The following DOP1A variants were observed in gnomAD, a reference collection of about 807,000 sequenced individuals.
DOP1A encodes the protein protein DOP1A.
In DOP1A, 90 loss-of-function variants were observed where a neutral mutation model predicts 267.6. That is an observed-to-expected ratio of 0.34 (90% CI 0.28 to 0.40). The LOEUF is 0.40. DOP1A is among the 10% of genes least tolerant of loss of function. DOP1A has a pLI of 1.00. For missense variants in DOP1A, 2,437 were observed against 2,900.4 expected, an observed-to-expected ratio of 0.84 and a Z score of 3.67; for synonymous variants, 932 against 999.1, an observed-to-expected ratio of 0.93 and a Z score of 1.27.
At chr6:83,112,365 AAT>A (rs141547024) in intron 6 of DOP1A, among the ~76,000 whole-genome samples, 41 of 148,770 alleles carry the variant, frequency 2.8e-4, no homozygotes, top group Admixed American at 2.7e-4. Context: ...CAAAAATACA[AAT>A]ATATATATAT....
At chr6:83,167,158 G>T in intron 38 of DOP1A, 1 of 911,554 alleles carries the variant, frequency 1.1e-6, no homozygotes, top group Non-Finnish European at 1.3e-6. Context: ...GGTAGTTTTA[G>T]ACTGTCCCAT....
At chr6:83,139,786 C>A (rs1410601052) in intron 21 of DOP1A, among the ~76,000 whole-genome samples, 2 of 151,984 alleles carry the variant, frequency 1.3e-5, no homozygotes, top group Admixed American at 6.6e-5. Context: ...GTATAGAATT[C>A]TTTAGCCAAA....
chr6:83,070,714 T>C (rs569934235), intron 1 of DOP1A, among the ~76,000 whole-genome samples: 1 of 80,452 alleles, frequency 1.2e-5, no homozygotes, highest in Admixed American at 1.6e-4. Flanking sequence ...TCTTCTGACT[T>C]TCCTTTTCAC....
chr6:83,097,766 A>T (rs1450165185), intron 3 of DOP1A, among the ~76,000 whole-genome samples: 2 of 151,828 alleles, frequency 1.3e-5, no homozygotes. Flanking sequence ...GGTTTTTTTT[A>T]AATTGTTATT....
At chr6:83,121,695 C>G (rs1776406543) in intron 10 of DOP1A, among the ~76,000 whole-genome samples, 1 of 151,670 alleles carries the variant, frequency 6.6e-6, no homozygotes, top group Admixed American at 6.6e-5. Context: ...CTGGCAAAAC[C>G]AATTTCTCTG....
At chr6:83,158,769 T>G in intron 36 of DOP1A, 147 bp downstream of exon 36, 1 of 663,878 alleles carries the variant, frequency 1.5e-6, no homozygotes, top group Non-Finnish European at 2.5e-6. Flanking sequence ...TAATGTAGTT[T>G]TACTTATTCC....
At chr6:83,131,466 G>C (rs1778011419) in intron 17 of DOP1A, among the ~76,000 whole-genome samples, 1 of 152,074 alleles carries the variant, frequency 6.6e-6, no homozygotes, top group South Asian at 2.1e-4. Flanking sequence ...TATTGTATAG[G>C]TTTTAAGTAG....
intron 1 of DOP1A, among the ~76,000 whole-genome samples, chr6:83,074,855 G>A (rs969703647): frequency 7.9e-5 from 12 of 152,170 alleles, no homozygotes; most frequent in Admixed American, 2.0e-4. Flanking sequence ...AGGATTGCTT[G>A]AGCCCAGCAA....
chr6:83,148,597 T>C (rs1374851669), intron 26 of DOP1A, among the ~76,000 whole-genome samples, 162 bp from the exon 27 acceptor site: 3 of 152,132 alleles, frequency 2.0e-5, no homozygotes, highest in African/African-American at 7.2e-5. Context: ...GAAATTGCAT[T>C]GATATTTCAA....
At chr6:83,159,447 T>C (rs922727369) in intron 36 of DOP1A, among the ~76,000 whole-genome samples, 2 of 151,804 alleles carry the variant, frequency 1.3e-5, no homozygotes, top group African/African-American at 4.8e-5. Context: ...CTAGTGTTTT[T>C]TTTTTTTGTC....
chr6:83,098,221 T>G (rs1158812040), intron 3 of DOP1A, among the ~76,000 whole-genome samples: 2 of 152,222 alleles, frequency 1.3e-5, no homozygotes, highest in African/African-American at 4.8e-5. Context: ...GGAAAGAAGT[T>G]TGTCTTAAAA....
intron 1 of DOP1A, among the ~76,000 whole-genome samples, chr6:83,079,419 G>A (rs1365443681): frequency 2.6e-5 from 4 of 151,976 alleles, no homozygotes; most frequent in Non-Finnish European, 5.9e-5. Context: ...TGTTTCTACT[G>A]GCTGTGATTA....
chr6:83,155,196 T>G (rs902146225), intron 33 of DOP1A, among the ~76,000 whole-genome samples: 2 of 151,778 alleles, frequency 1.3e-5, no homozygotes, highest in African/African-American at 4.8e-5. Flanking sequence ...GTGCAGTGGC[T>G]CACGCCTGTA....
intron 12 of DOP1A, among the ~76,000 whole-genome samples, chr6:83,124,253 C>T (rs1270374151): frequency 1.3e-5 from 2 of 151,978 alleles, no homozygotes; most frequent in Non-Finnish European, 2.9e-5. Flanking sequence ...GAAGAGGCTT[C>T]CTGGAGGAGG....
chr6:83,135,065 A>G (rs1266098397), intron 19 of DOP1A, among the ~76,000 whole-genome samples: 2 of 152,170 alleles, frequency 1.3e-5, no homozygotes, highest in East Asian at 1.9e-4. Flanking sequence ...TTTGACAACC[A>G]TCTTTCCTAA....
chr6:83,155,756 C>A (rs1009089187), intron 33 of DOP1A, among the ~76,000 whole-genome samples, 195 bp from the exon 34 acceptor site: 2 of 152,224 alleles, frequency 1.3e-5, no homozygotes, highest in African/African-American at 4.8e-5. Flanking sequence ...ATCACAATTC[C>A]TACCATTTTG....
At chr6:83,119,057 C>A in intron 8 of DOP1A, 70 bp downstream of exon 8, 1 of 1,346,706 alleles carries the variant, frequency 7.4e-7, no homozygotes, top group Non-Finnish European at 1.1e-6. Flanking sequence ...ATAAGTATTA[C>A]CAAGTTGTAT....
intron 38 of DOP1A, chr6:83,166,439 TTG>T (rs1785629437): frequency 1.4e-6 from 1 of 701,812 alleles, no homozygotes; most frequent in Non-Finnish European, 2.6e-6. Context: ...ATTGTTGATG[TTG>T]TGTGTTGTCT....
At chr6:83,125,878 C>A in intron 15 of DOP1A, 145 bp downstream of exon 15, 1 of 696,238 alleles carries the variant, frequency 1.4e-6, no homozygotes, top group South Asian at 2.5e-5. Context: ...GGCTTGTAGG[C>A]TTTTGGTTAT....
Sources: allele counts gnomAD v4.1 joint callset (sites outside exome capture counted in the v4.1 genomes callset), GRCh38; gene constraint gnomAD v4.1.1; transcripts MANE v1.5; gene names NCBI Gene and HGNC (gene_info 2026-07-23, HGNC 2026-07-21).